Variants in COG8 observed in about 807,000 individuals in gnomAD.
The protein encoded by COG8 is component of oligomeric golgi complex 8, also known as conserved oligomeric Golgi complex subunit 8.
Under a neutral mutation model 46.5 loss-of-function variants are expected in COG8, and 45 were observed. The ratio of observed to expected loss-of-function variants is 0.97; its 90% CI spans 0.76 to 1.24. The LOEUF (loss-of-function observed/expected upper bound fraction) is 1.24, where lower values mean the gene tolerates loss of function less well. Ranked by LOEUF, COG8 falls within the 50% of genes most tolerant of loss-of-function variation. The pLI is 0.00. For missense variants in COG8, 793 were observed against 820.8 expected, an observed-to-expected ratio of 0.97 and a Z score of 0.41; for synonymous variants, 407 against 347.8, an observed-to-expected ratio of 1.17 and a Z score of -1.90.
chr16:69,330,284 G>A lies in COG8; in HGVS notation c.*26+529C>T, dbSNP rs976129216. 1.2e-5 allele frequency: 17 copies of A among 1,431,794 alleles called. No individual in the cohort carries two copies. Among genetic ancestry groups the A allele is most frequent in the African/African-American group, 9.0e-5 (6 of 66,712 alleles). The allele number at this position is 1,431,794 out of a possible 1,614,324, so 88.7% of individuals were successfully genotyped here. A position where few individuals can be genotyped will look rare whatever the true frequency, so the allele number is the denominator to read the frequency against. On this transcript the variant is annotated intron_variant, in intron 5 of 5. Coordinates refer to ENST00000306875, the MANE Select transcript of COG8 (RefSeq NM_032382.5). ...CCGCATCACCTGGACCAGCCGTTGC[G>A]TCAGCCGCTGCAGCTCGGGCCCGCC...
In COG8 at chr16:69,328,745, T is replaced by G. The variant is rs1965681181; in HGVS notation, c.*461A>C. 9.5e-5 allele frequency: 40 copies of G among 419,500 alleles called. No individual in the cohort carries two copies. The South Asian group carries it at 1.2e-3, about 12-fold the overall frequency. 26.0% of individuals were successfully genotyped at this position (419,500 alleles called of 1,614,324 possible). On this transcript the variant is annotated 3_prime_UTR_variant, in exon 6 of 6. Coordinates refer to ENST00000306875, the MANE Select transcript of COG8 (RefSeq NM_032382.5). Reference sequence around the variant, plus strand: ...GGAACTCGTGTCTACTGCAGACGAATGCAATTACCCCACCTTCCTCCATAC... The same window carrying G: ...GGAACTCGTGTCTACTGCAGACGAAGGCAATTACCCCACCTTCCTCCATAC...
chr16:69,330,826 C>A lies in COG8; in HGVS notation c.*13G>T. ...AACCTCACGCACCGCGTTCTGGAGGCAGGGGACGCCGGCTAGGGCCCCACG... is the reference window on the plus strand; with the variant it reads ...AACCTCACGCACCGCGTTCTGGAGGAAGGGGACGCCGGCTAGGGCCCCACG... On this transcript the variant is annotated 3_prime_UTR_variant, in exon 5 of 6. Coordinates refer to ENST00000306875, the MANE Select transcript of COG8 (RefSeq NM_032382.5). The A allele has an allele frequency of 2.0e-6, 3 of 1,532,516 alleles. 1 individual carries two copies. Among genetic ancestry groups the A allele is most frequent in the Non-Finnish European group, 2.6e-6 (3 of 1,143,828 alleles). 94.9% of individuals were successfully genotyped at this position (1,532,516 alleles called of 1,614,324 possible). A position where few individuals can be genotyped will look rare whatever the true frequency, so the allele number is the denominator to read the frequency against.
In COG8 at chr16:69,335,171, G is replaced by A. The variant is rs745438209; in HGVS notation, c.763C>T (p.Leu255Phe). 8.1e-6 allele frequency: 13 copies of A among 1,614,088 alleles called. No individual in the cohort carries two copies. In the South Asian group the frequency reaches 1.2e-4, roughly 15 times the overall value. The change falls in exon 3 of 6, where the codon CTC (leucine) becomes TTC (phenylalanine). Residue 255 changes from leucine to phenylalanine, a missense_variant. Transcript: ENST00000306875. ...VKFLQARDAW[L>F]RSILTAIPND... Reference sequence around the variant, plus strand: ...GGAATGGCAGTCAGGATGGACCGGAGCCAAGCATCTCGGGCCTGAAGAAAC... The same window carrying A: ...GGAATGGCAGTCAGGATGGACCGGAACCAAGCATCTCGGGCCTGAAGAAAC...
chr16:69,333,244 G>A (rs978517374), intron 3 of COG8, among the ~76,000 whole-genome samples: 1 of 148,090 alleles, frequency 6.8e-6, no homozygotes, highest in African/African-American at 2.5e-5. Context: ...TCAGCTCACT[G>A]TAGCTTCAAA....
In COG8 at chr16:69,339,522, C is replaced by T. The variant is rs773334400; in HGVS notation, c.31G>A (p.Ala11Thr). Residue 11 changes from alanine (A) to threonine (T), a missense_variant, in exon 1 of 6, where the codon GCC becomes ACC. Transcript: ENST00000306875. ...CCGAGAGCCGCTGCTGTGGCCGTGG[C>T]TACCGATGGGATAGTCGCCGCGGTC... MATAATIPSVATATAAALGEV... is the reference protein window; with the variant it reads MATAATIPSVTTATAAALGEV... 7 of 1,608,068 alleles carry T rather than the reference C, an allele frequency of 4.4e-6. No homozygotes were observed. The highest frequency in any genetic ancestry group is 2.2e-4 in the Middle Eastern group (1 of 4,528).
At chr16:69,337,426 A>C (rs969486541) in intron 1 of COG8, among the ~76,000 whole-genome samples, 4 of 152,242 alleles carry the variant, frequency 2.6e-5, no homozygotes, top group Non-Finnish European at 4.4e-5. Flanking sequence ...ACAGTTAAAT[A>C]TTTAACAGTA....
rs1947300105 is a variant in COG8, at chr16:69,336,538, C to T, written c.552G>A (p.Leu184=). 6.2e-7 allele frequency: 1 copy of T among 1,614,076 alleles called. No homozygotes were observed. The highest frequency in any genetic ancestry group is 1.7e-5 in the Admixed American group (1 of 60,010). The stretch of plus-strand genomic sequence containing the variant: ...CAGGGATGGAAGAGTATTTCCTCTC[C>T]AGTCGGCGTACGTAGGCTGCAAGCT... ...ALELAAYVRR[L]ERKYSSIPVI... is the part of the protein sequence containing the mutation. The change falls in exon 2 of 6, where the codon CTG becomes CTA. Residue 184 remains leucine, a synonymous_variant. Transcript: ENST00000306875.
intron 4 of COG8, among the ~76,000 whole-genome samples, chr16:69,331,894 A>C (rs1205243067): frequency 1.3e-5 from 2 of 152,212 alleles, no homozygotes; most frequent in Non-Finnish European, 1.5e-5. Context: ...ACAGCAGTGT[A>C]GGGTGCCTGC....
In COG8 at chr16:69,339,295, G is replaced by A; in HGVS notation, c.258C>T (p.Asn86=). ...LQQTRDLAFA[N]YKTFIRGAEC... ...CGGCGCCGCGGATGAAGGTCTTGTA[G>A]TTAGCGAAGGCCAAGTCGCGCGTCT... Residue 86 remains asparagine, a synonymous_variant, in exon 1 of 6, where the codon AAC becomes AAT. Coordinates refer to ENST00000306875, the MANE Select transcript of COG8 (RefSeq NM_032382.5). The A allele has an allele frequency of 6.2e-7, 1 of 1,612,166 alleles. No individual in the cohort carries two copies. Among genetic ancestry groups the A allele is most frequent in the Non-Finnish European group, 8.5e-7 (1 of 1,179,656 alleles).
At chr16:69,330,656 G>C (rs893465234) in intron 5 of COG8, 157 bp downstream of exon 5, 8 of 1,404,632 alleles carry the variant, frequency 5.7e-6, no homozygotes, top group East Asian at 2.7e-5. Context: ...AGCACACAGC[G>C]AAGCCGCGAC....
Position 69,329,037 on chromosome 16 carries a change from C to T in COG8, c.*169G>A. ...TAGCAAAGCTTTAGTCATTCACCTTCATCCAATAGACGTTTGTGAACGTCC... is the reference window on the plus strand; with the variant it reads ...TAGCAAAGCTTTAGTCATTCACCTTTATCCAATAGACGTTTGTGAACGTCC... On this transcript the variant is annotated 3_prime_UTR_variant, in exon 6 of 6. Coordinates refer to ENST00000306875, the MANE Select transcript of COG8 (RefSeq NM_032382.5). The T allele has an allele frequency of 6.2e-7, 1 of 1,610,004 alleles. No homozygotes were observed. Among genetic ancestry groups the T allele is most frequent in the African/African-American group, 1.3e-5 (1 of 74,952 alleles).
chr16:69,330,786 C>A, intron 5 of COG8, 27 bp downstream of exon 5: 1 of 1,502,920 alleles, frequency 6.7e-7, no homozygotes, highest in Non-Finnish European at 8.8e-7. Context: ...GCAGTCCTGG[C>A]CACCCCGCGC....
intron 5 of COG8, among the ~76,000 whole-genome samples, chr16:69,329,470 T>C (rs557158340): frequency 7.9e-5 from 12 of 152,350 alleles, no homozygotes; most frequent in Admixed American, 1.3e-4. Flanking sequence ...CTCCCACTTC[T>C]GAGGTACCTG....
intron 3 of COG8, among the ~76,000 whole-genome samples, chr16:69,333,173 T>G (rs1381349675): frequency 2.0e-5 from 3 of 150,958 alleles, no homozygotes; most frequent in Non-Finnish European, 2.9e-5. Flanking sequence ...TTGGTTTTTT[T>G]TTTTTTTTTT....
chr16:69,335,300 G>C lies in COG8; in HGVS notation c.634C>G (p.Leu212Val). 6.2e-7 allele frequency: 1 copy of C among 1,610,854 alleles called. No homozygotes were observed. The highest frequency in any genetic ancestry group is 8.5e-7 in the Non-Finnish European group (1 of 1,179,528). Residue 212 changes from leucine to valine, a missense_variant, in exon 3 of 6, where the codon CTG becomes GTG. Coordinates refer to ENST00000306875, the MANE Select transcript of COG8 (RefSeq NM_032382.5). ...RQSMQLMLSQLIQQLRTNIQL... is the reference protein window; with the variant it reads ...RQSMQLMLSQVIQQLRTNIQL... ...ATGTTGGTCCTCAGTTGCTGGATCA[G>C]CTGGCTCAGCATCAGCTGCATGGAC... is the stretch of plus-strand genomic sequence containing the variant.
chr16:69,329,269 C>A lies in COG8; in HGVS notation c.*27-90G>T, dbSNP rs926087697. 7.3e-6 allele frequency: 10 copies of A among 1,367,296 alleles called. No individual in the cohort carries two copies. The African/African-American group carries it at 9.0e-5, about 12-fold the overall frequency. The allele number at this position is 1,367,296 out of a possible 1,614,324, so 84.7% of individuals were successfully genotyped here. On this transcript the variant is annotated intron_variant, in intron 5 of 5. Transcript: ENST00000306875. Reference sequence around the variant, plus strand: ...ACCCCTGCCCCCGGTCCTGGCTGTTCCCATTGACAAGAGGCAACAGCAGAT... The same window carrying A: ...ACCCCTGCCCCCGGTCCTGGCTGTTACCATTGACAAGAGGCAACAGCAGAT...
intron 3 of COG8, 135 bp downstream of exon 3, chr16:69,334,386 A>C: frequency 1.3e-6 from 1 of 796,380 alleles, no homozygotes. Flanking sequence ...CTTCTCAATC[A>C]GGAGAACCTC....
At chr16:69,336,772 G>A in intron 1 of COG8, 60 bp from the exon 2 acceptor site, 1 of 1,420,052 alleles carries the variant, frequency 7.0e-7, no homozygotes, top group Non-Finnish European at 9.9e-7. Context: ...CTTAGCTACA[G>A]TTACCAAGTA....
Position 69,328,727 on chromosome 16 carries a change from G to GTT in COG8, c.*478_*479insAA. The GTT allele has an allele frequency of 5.5e-6, 2 of 363,924 alleles. No individual in the cohort carries two copies. Among genetic ancestry groups the GTT allele is most frequent in the Non-Finnish European group, 9.9e-6 (2 of 201,904 alleles). 22.5% of individuals were successfully genotyped at this position (363,924 alleles called of 1,614,324 possible). A position where few individuals can be genotyped will look rare whatever the true frequency, so the allele number is the denominator to read the frequency against. On this transcript the variant is annotated 3_prime_UTR_variant, in exon 6 of 6. Transcript: ENST00000306875. ...GAGATTATACAGGTCCGAGGAACTC[G>GTT]TGTCTACTGCAGACGAATGCAATTA...
Sources: gnomAD v4.1 joint callset for allele counts (sites outside exome capture counted in the v4.1 genomes callset) on GRCh38, gnomAD v4.1.1 for gene constraint, MANE v1.5 for transcripts, NCBI Gene and HGNC (gene_info 2026-07-23, HGNC 2026-07-21) for gene names.